The following SYCE3 variants were observed in gnomAD, a reference collection of about 807,000 sequenced individuals.
SYCE3 encodes synaptonemal complex central element protein 3, also known as testis highly expressed gene 2 protein.
Under a neutral mutation model 8.1 loss-of-function variants are expected in SYCE3, and 3 were observed. That is an observed-to-expected ratio of 0.37 (90% confidence interval 0.17 to 0.96). SYCE3 has a LOEUF of 0.96. Among genes scored for constraint, SYCE3 ranks in the 40% least tolerant of loss-of-function variants. SYCE3 has a pLI of 0.41. For missense variants in SYCE3, 83 were observed against 110.0 expected, an observed-to-expected ratio of 0.75 and a Z score of 1.10; for synonymous variants, 36 against 38.7, an observed-to-expected ratio of 0.93 and a Z score of 0.26.
intron 2 of SYCE3, among the ~76,000 whole-genome samples, chr22:50,552,896 G>A (rs1278172489): frequency 6.6e-6 from 1 of 152,132 alleles, no homozygotes; most frequent in Non-Finnish European, 1.5e-5. Flanking sequence ...GGCTCTATGT[G>A]AGGATACAAG....
At chr22:50,558,346 G>C (rs1603442840) in intron 1 of SYCE3, among the ~76,000 whole-genome samples, 1 of 151,932 alleles carries the variant, frequency 6.6e-6, no homozygotes, top group Admixed American at 6.6e-5. Flanking sequence ...CAGGAGAATC[G>C]CTTGAACCCG....
intron 1 of SYCE3, among the ~76,000 whole-genome samples, chr22:50,559,151 G>C (rs2069889540): frequency 1.3e-5 from 2 of 151,032 alleles, no homozygotes; most frequent in African/African-American, 4.9e-5. Context: ...TCTTGAGACG[G>C]AGTCTCACTC....
At chr22:50,559,379 C>T (rs949313790) in intron 1 of SYCE3, among the ~76,000 whole-genome samples, 5 of 152,152 alleles carry the variant, frequency 3.3e-5, no homozygotes, top group African/African-American at 7.2e-5. Flanking sequence ...CCGCCTGCTT[C>T]GGCCTCCCAA....
At chr22:50,553,819 G>C (rs569609276) in intron 2 of SYCE3, among the ~76,000 whole-genome samples, 2 of 152,008 alleles carry the variant, frequency 1.3e-5, no homozygotes, top group Admixed American at 1.3e-4. Flanking sequence ...CTGACCTTGT[G>C]ATCCTCCTGC....
intron 2 of SYCE3, among the ~76,000 whole-genome samples, chr22:50,553,329 C>T (rs1172121456): frequency 6.6e-6 from 1 of 152,106 alleles, no homozygotes; most frequent in Non-Finnish European, 1.5e-5. Context: ...CTAGAGAGGA[C>T]CAGATTGTAA....
intron 2 of SYCE3, among the ~76,000 whole-genome samples, chr22:50,554,991 G>A (rs9306548): frequency 0.78 from 115,477 of 148,978 alleles, 45,020 homozygotes; most frequent in East Asian, 0.98. Context: ...GCGTGGTGGC[G>A]GGCGCCTGTA....
intron 1 of SYCE3, among the ~76,000 whole-genome samples, chr22:50,557,861 C>T (rs898061241): frequency 6.6e-6 from 1 of 152,120 alleles, no homozygotes; most frequent in Non-Finnish European, 1.5e-5. Flanking sequence ...GTGGGGAAAG[C>T]CTTCCTGGTC....
At chr22:50,551,604 G>A (rs2148697173) in intron 2 of SYCE3, among the ~76,000 whole-genome samples, 1 of 152,212 alleles carries the variant, frequency 6.6e-6, no homozygotes, top group East Asian at 1.9e-4. Flanking sequence ...CCATAGTGAC[G>A]CTTCCTAGTC....
At chr22:50,554,653 C>A (rs2069841023) in intron 2 of SYCE3, among the ~76,000 whole-genome samples, 1 of 128,286 alleles carries the variant, frequency 7.8e-6, no homozygotes, top group Non-Finnish European at 1.6e-5. Flanking sequence ...GAGATCACAT[C>A]ATTGCATTCA....
intron 2 of SYCE3, among the ~76,000 whole-genome samples, chr22:50,554,298 A>G (rs2069837722): frequency 6.6e-6 from 1 of 152,180 alleles, no homozygotes; most frequent in African/African-American, 2.4e-5. Context: ...AGAAAATACA[A>G]CTAAATATTT....
chr22:50,557,243 G>T (rs1212160725), intron 1 of SYCE3, among the ~76,000 whole-genome samples: 1 of 148,976 alleles, frequency 6.7e-6, no homozygotes, highest in Non-Finnish European at 1.5e-5. Flanking sequence ...CACAACCTCT[G>T]CTTCCTGGGT....
intron 1 of SYCE3, among the ~76,000 whole-genome samples, chr22:50,558,225 A>T (rs1336507429): frequency 2.6e-5 from 4 of 152,116 alleles, no homozygotes. Flanking sequence ...GGAGTTTGGG[A>T]CCAGCCTGGC....
At chr22:50,561,668 C>T (rs936087730) in intron 1 of SYCE3, among the ~76,000 whole-genome samples, 2 of 151,626 alleles carry the variant, frequency 1.3e-5, no homozygotes, top group East Asian at 1.9e-4. Flanking sequence ...TTGCCTGGTA[C>T]GAAGAGTTTC....
chr22:50,556,565 G>T (rs2069862064), intron 1 of SYCE3, 160 bp from the exon 2 acceptor site: 1 of 559,856 alleles, frequency 1.8e-6, no homozygotes, highest in Non-Finnish European at 3.2e-6. Flanking sequence ...GGTTAAATGG[G>T]AACATGTCTA....
In SYCE3 at chr22:50,552,611, C is replaced by G. The variant is rs6520152; in HGVS notation, c.110-1209G>C. Among the ~76,000 whole-genome samples, 1,103 of 152,152 alleles carry G rather than the reference C, an allele frequency of 7.2e-3. 8 individuals are homozygous for G. Among genetic ancestry groups the G allele is most frequent in the African/African-American group, 0.026 (1,066 of 41,500 alleles). Reference sequence around the variant, plus strand: ...AGGTGGAGGTTATATATACATAAATCTCAGTCTCCTCATCTTTGGAGACCC... The same window carrying G: ...AGGTGGAGGTTATATATACATAAATGTCAGTCTCCTCATCTTTGGAGACCC... On this transcript the variant is annotated intron_variant, in intron 2 of 2. Coordinates refer to ENST00000406915, the MANE Select transcript of SYCE3 (RefSeq NM_001123225.3).
rs181834159 is a variant in SYCE3, at chr22:50,558,454, T to A, written c.1-2049A>T. 1.5e-3 allele frequency among the ~76,000 whole-genome samples: 233 copies of A among 151,674 alleles called. 2 individuals are homozygous for A. Among genetic ancestry groups the A allele is most frequent in the African/African-American group, 5.2e-3 (215 of 41,306 alleles). ...CTCAAAAAAAAAAAAGAAAGAAAATTATTATCTTTCCCCTCTTGCCGTCCT... is the reference window on the plus strand; with the variant it reads ...CTCAAAAAAAAAAAAGAAAGAAAATAATTATCTTTCCCCTCTTGCCGTCCT... On this transcript the variant is annotated intron_variant, in intron 1 of 2. Coordinates refer to ENST00000406915, the MANE Select transcript of SYCE3 (RefSeq NM_001123225.3).
At chr22:50,552,588 G>T (rs1389041521) in intron 2 of SYCE3, among the ~76,000 whole-genome samples, 3 of 152,146 alleles carry the variant, frequency 2.0e-5, no homozygotes, top group Admixed American at 1.3e-4. Flanking sequence ...AACCCAGAAG[G>T]TGGAGGTTAT....
chr22:50,553,668 C>A (rs131776), intron 2 of SYCE3, among the ~76,000 whole-genome samples: 1 of 151,830 alleles, frequency 6.6e-6, no homozygotes, highest in African/African-American at 2.4e-5. Flanking sequence ...CTGCAAGTTC[C>A]GTCTCCTGGG....
intron 2 of SYCE3, among the ~76,000 whole-genome samples, chr22:50,555,634 C>T (rs1372455782): frequency 2.0e-5 from 3 of 152,170 alleles, no homozygotes; most frequent in Admixed American, 6.5e-5. Flanking sequence ...TCCACAACCC[C>T]TTACCGTCAT....
Sources: allele counts gnomAD v4.1 joint callset (sites outside exome capture counted in the v4.1 genomes callset), GRCh38; gene constraint gnomAD v4.1.1; transcripts MANE v1.5; gene names NCBI Gene and HGNC (gene_info 2026-07-23, HGNC 2026-07-21).